MYO1B: variants seen among roughly 807,000 people sequenced by gnomAD.
The protein encoded by MYO1B is unconventional myosin-Ib.
In MYO1B, 72 loss-of-function variants were observed where a neutral mutation model predicts 159.7. The observed-to-expected ratio is 0.45, with a 90% CI of 0.37 to 0.55. MYO1B has a LOEUF of 0.55. MYO1B is among the 20% of genes least tolerant of loss of function. MYO1B has a pLI of 0.00. For synonymous variants in MYO1B, 468 were observed against 473.8 expected, an observed-to-expected ratio of 0.99 and a Z score of 0.16; for missense variants, 1,062 against 1,364.8, an observed-to-expected ratio of 0.78 and a Z score of 3.50.
chr2:191,303,269 C>A (rs1027459441), intron 3 of MYO1B, among the ~76,000 whole-genome samples: 3 of 151,932 alleles, frequency 2.0e-5, no homozygotes, highest in African/African-American at 7.3e-5. Context: ...TCTGAATTCT[C>A]CTGTAGAGGT....
chr2:191,384,984 G>C (rs1695316927), intron 15 of MYO1B, among the ~76,000 whole-genome samples: 1 of 152,204 alleles, frequency 6.6e-6, no homozygotes, highest in African/African-American at 2.4e-5. Flanking sequence ...AATAAATGCT[G>C]GTCAGAGGAT....
In MYO1B at chr2:191,390,359, A is replaced by C; in HGVS notation, c.1849A>C (p.Arg617=). 6.2e-7 allele frequency: 1 copy of C among 1,614,232 alleles called. No individual in the cohort carries two copies. Among genetic ancestry groups the C allele is most frequent in the Non-Finnish European group, 8.5e-7 (1 of 1,180,014 alleles). ...CGAGGCTCTAGTGTGTCATCAGATC[A>C]GGTACCTGGGGCTTTTGGAGAACGT... ...FNEALVCHQI[R]YLGLLENVRV... The change falls in exon 18 of 31, where the codon AGG becomes CGG. Residue 617 remains arginine, a synonymous_variant. Transcript: ENST00000392318.
chr2:191,287,475 A>T (rs1372886605), intron 2 of MYO1B, among the ~76,000 whole-genome samples: 1 of 151,852 alleles, frequency 6.6e-6, no homozygotes, highest in Admixed American at 6.6e-5. Flanking sequence ...GGTTGCAGTG[A>T]GCCAAGATCG....
intron 21 of MYO1B, 97 bp downstream of exon 21, chr2:191,396,594 C>G (rs1210568117): frequency 1.8e-6 from 2 of 1,096,736 alleles, no homozygotes; most frequent in African/African-American, 2.0e-5. Context: ...AGGGGCTCCT[C>G]TGTCTCCTGC....
intron 3 of MYO1B, among the ~76,000 whole-genome samples, chr2:191,319,739 TATAATC>T (rs2125888918): frequency 6.6e-6 from 1 of 152,278 alleles, no homozygotes; most frequent in Non-Finnish European, 1.5e-5. Flanking sequence ...GCATTATACT[TATAATC>T]AGAGTACTCC....
At chr2:191,289,445 T>C (rs1247432480) in intron 2 of MYO1B, among the ~76,000 whole-genome samples, 1 of 152,228 alleles carries the variant, frequency 6.6e-6, no homozygotes, top group Non-Finnish European at 1.5e-5. Flanking sequence ...TATCTATCTC[T>C]TGGGGATTTG....
intron 7 of MYO1B, among the ~76,000 whole-genome samples, chr2:191,358,039 G>C (rs1693414010): frequency 6.6e-6 from 1 of 152,170 alleles, no homozygotes; most frequent in African/African-American, 2.4e-5. Flanking sequence ...TTGTGTGATT[G>C]AGTTGCTTAG....
At chr2:191,400,668 C>G (rs745410290) in intron 22 of MYO1B, 81 bp from the exon 23 acceptor site, 58 of 1,415,262 alleles carry the variant, frequency 4.1e-5, no homozygotes, top group Non-Finnish European at 5.7e-5. Flanking sequence ...TAGTGTCTCT[C>G]TTTTTCTTTC....
intron 2 of MYO1B, among the ~76,000 whole-genome samples, chr2:191,282,204 T>C (rs1688102022): frequency 6.6e-6 from 1 of 152,362 alleles, no homozygotes; most frequent in Non-Finnish European, 1.5e-5. Flanking sequence ...TGCTACAAAA[T>C]AAAGTGCACA....
At chr2:191,416,540 C>T (rs938271267) in intron 30 of MYO1B, 9 of 273,578 alleles carry the variant, frequency 3.3e-5, no homozygotes, top group African/African-American at 1.6e-4. Context: ...GTAGGCCAGG[C>T]GCAGTGGCTC....
In MYO1B at chr2:191,267,114, C is replaced by G. The variant is rs906035001; in HGVS notation, c.-9-9773C>G. ...CCTCTCTGCCTATGCAGAGACAAAA[C>G]CTAGGGTGTTAACCCTTAGATAACC... On this transcript the variant is annotated intron_variant, in intron 1 of 30. Coordinates refer to ENST00000392318, the MANE Select transcript of MYO1B (RefSeq NM_001130158.3). Among the ~76,000 whole-genome samples, 6 of 152,236 alleles carry G rather than the reference C, an allele frequency of 3.9e-5. No individual in the cohort carries two copies. The South Asian group carries it at 1.0e-3, about 26-fold the overall frequency.
intron 13 of MYO1B, 66 bp from the exon 14 acceptor site, chr2:191,381,396 A>T: frequency 9.2e-7 from 1 of 1,086,520 alleles, no homozygotes; most frequent in South Asian, 1.3e-5. Flanking sequence ...GAGATGTCTG[A>T]GTGTCATTGT....
chr2:191,339,626 C>A (rs993740507), intron 4 of MYO1B, among the ~76,000 whole-genome samples: 1 of 152,150 alleles, frequency 6.6e-6, no homozygotes, highest in African/African-American at 2.4e-5. Flanking sequence ...CTTTTCATTA[C>A]CCAGAAAGCA....
At chr2:191,334,112 T>G (rs1384789181) in intron 4 of MYO1B, among the ~76,000 whole-genome samples, 2 of 139,944 alleles carry the variant, frequency 1.4e-5, no homozygotes, top group African/African-American at 5.1e-5. Context: ...TCTTTGTGAC[T>G]AACGGTTTTT....
At chr2:191,339,307 C>T (rs1692061418) in intron 4 of MYO1B, among the ~76,000 whole-genome samples, 1 of 152,062 alleles carries the variant, frequency 6.6e-6, no homozygotes, top group Non-Finnish European at 1.5e-5. Flanking sequence ...GCAATGTGGC[C>T]CCCAGGAGTG....
chr2:191,296,416 C>T (rs1688988359), intron 3 of MYO1B, among the ~76,000 whole-genome samples, 190 bp downstream of exon 3: 2 of 152,014 alleles, frequency 1.3e-5, no homozygotes, highest in Admixed American at 1.3e-4. Flanking sequence ...CTTCATTTGA[C>T]GTCAGACTTT....
intron 6 of MYO1B, among the ~76,000 whole-genome samples, chr2:191,348,852 CT>C (rs1012645700): frequency 6.6e-6 from 1 of 152,202 alleles, no homozygotes; most frequent in African/African-American, 2.4e-5. Context: ...AAGGACATGG[CT>C]TTGGTGTGAC....
At chr2:191,288,831 G>T (rs1044054158) in intron 2 of MYO1B, among the ~76,000 whole-genome samples, 15 of 152,170 alleles carry the variant, frequency 9.9e-5, no homozygotes, top group Admixed American at 6.5e-5. Context: ...TGATTTTTGC[G>T]TTGGAAGTAA....
chr2:191,282,570 G>A (rs1688126136), intron 2 of MYO1B, among the ~76,000 whole-genome samples: 1 of 152,176 alleles, frequency 6.6e-6, no homozygotes, highest in Non-Finnish European at 1.5e-5. Flanking sequence ...TAAAAATGTA[G>A]TTTTCTCCCT....
Sources: allele counts gnomAD v4.1 joint callset (sites outside exome capture counted in the v4.1 genomes callset), GRCh38; gene constraint gnomAD v4.1.1; transcripts MANE v1.5; gene names NCBI Gene and HGNC (gene_info 2026-07-23, HGNC 2026-07-21).